Variants in CTNND2 observed in about 807,000 individuals in gnomAD.
The protein encoded by CTNND2 is catenin delta-2.
In CTNND2, 22 loss-of-function variants were observed where a neutral mutation model predicts 144.4. The ratio of observed to expected loss-of-function variants is 0.15; its 90% CI spans 0.11 to 0.22. The LOEUF is 0.22. CTNND2 is among the 10% of genes least tolerant of loss of function. The pLI is 1.00. For synonymous variants in CTNND2, 751 were observed against 695.6 expected (o/e 1.08, Z -1.25); for missense variants, 1,353 against 1,618.8 (o/e 0.84, Z 2.82).
chr5:10,984,410 G>C (rs1220464109), intron 20 of CTNND2, among the ~76,000 whole-genome samples: 3 of 152,192 alleles, frequency 2.0e-5, no homozygotes. Context: ...CTGTTGCTCA[G>C]AATTAAATGC....
At chr5:11,260,506 G>A (rs1351050540) in intron 9 of CTNND2, among the ~76,000 whole-genome samples, 1 of 152,064 alleles carries the variant, frequency 6.6e-6, no homozygotes, top group Non-Finnish European at 1.5e-5. Flanking sequence ...GTAAAAAGAG[G>A]ACAATCAATG....
chr5:11,539,584 G>A (rs1021807950), intron 3 of CTNND2, among the ~76,000 whole-genome samples: 4 of 152,188 alleles, frequency 2.6e-5, no homozygotes, highest in African/African-American at 9.7e-5. Context: ...TCAGTTGCAA[G>A]GATTCTCTTG....
intron 16 of CTNND2, among the ~76,000 whole-genome samples, chr5:11,053,871 C>T (rs1333327779): frequency 2.6e-5 from 4 of 152,164 alleles, no homozygotes; most frequent in African/African-American, 9.7e-5. Flanking sequence ...CATTATTTAC[C>T]AGTGGGCTTC....
chr5:11,677,007 T>C (rs1784207521), intron 2 of CTNND2, among the ~76,000 whole-genome samples: 1 of 152,234 alleles, frequency 6.6e-6, no homozygotes, highest in Non-Finnish European at 1.5e-5. Flanking sequence ...TAAACCAATC[T>C]TTCCTTTCTG....
intron 2 of CTNND2, among the ~76,000 whole-genome samples, chr5:11,695,066 C>T (rs1007037966): frequency 5.9e-5 from 9 of 152,160 alleles, no homozygotes; most frequent in African/African-American, 1.9e-4. Flanking sequence ...TGGAAATATG[C>T]TAGATGAGGT....
intron 2 of CTNND2, among the ~76,000 whole-genome samples, chr5:11,701,777 A>T (rs2126672323): frequency 6.6e-6 from 1 of 152,366 alleles, no homozygotes; most frequent in South Asian, 2.1e-4. Context: ...ATTTATTTGT[A>T]TAATTTTTAT....
intron 3 of CTNND2, among the ~76,000 whole-genome samples, chr5:11,485,166 T>A (rs568086335): frequency 6.6e-6 from 1 of 152,316 alleles, no homozygotes; most frequent in South Asian, 2.1e-4. Context: ...ATAATATGCC[T>A]AGCATAGACA....
intron 12 of CTNND2, among the ~76,000 whole-genome samples, chr5:11,118,476 G>C (rs1753773748): frequency 6.6e-6 from 1 of 152,218 alleles, no homozygotes; most frequent in South Asian, 2.1e-4. Context: ...CAAACTTTGG[G>C]AGCATCGGAA....
chr5:11,080,243 T>C (rs1385691905), intron 16 of CTNND2, among the ~76,000 whole-genome samples: 1 of 151,762 alleles, frequency 6.6e-6, no homozygotes, highest in Non-Finnish European at 1.5e-5. Flanking sequence ...CACTAAGCAA[T>C]GCAAATTCAA....
At chr5:11,456,237 T>C (rs1765721838) in intron 3 of CTNND2, among the ~76,000 whole-genome samples, 1 of 152,150 alleles carries the variant, frequency 6.6e-6, no homozygotes, top group Admixed American at 6.5e-5. Context: ...AAGGGTTGTG[T>C]TTGGTTTTCC....
chr5:11,130,072 C>T (rs1755417845), intron 12 of CTNND2, among the ~76,000 whole-genome samples: 1 of 152,076 alleles, frequency 6.6e-6, no homozygotes, highest in Non-Finnish European at 1.5e-5. Flanking sequence ...AATTACTATG[C>T]ACCTTACTGT....
At chr5:11,708,304 A>G (rs909169093) in intron 2 of CTNND2, among the ~76,000 whole-genome samples, 2 of 152,210 alleles carry the variant, frequency 1.3e-5, no homozygotes, top group Non-Finnish European at 2.9e-5. Flanking sequence ...AATTTTTACT[A>G]TAATATATAA....
At chr5:11,439,757 T>TATCTATCTATCTATCTATCTATC (rs1764091237) in intron 3 of CTNND2, among the ~76,000 whole-genome samples, 1 of 120,966 alleles carries the variant, frequency 8.3e-6, no homozygotes, top group African/African-American at 2.7e-5. Context: ...TCTATCTATC[T>TATCTATCTATCTATCTATCTATC]ATCTATCTAT....
Position 11,732,154 on chromosome 5 carries a change from G to A in CTNND2, c.156C>T (p.Leu52=), listed in dbSNP as rs201949668. The A allele has an allele frequency of 2.2e-5, 36 of 1,613,596 alleles. No homozygotes were observed. Among genetic ancestry groups the A allele is most frequent in the African/African-American group, 1.7e-4 (13 of 75,026 alleles). The change falls in exon 2 of 22, where the codon CTC becomes CTT. Residue 52 remains leucine, a synonymous_variant. Coordinates refer to ENST00000304623, the MANE Select transcript of CTNND2 (RefSeq NM_001332.4). ...TTTCTACCTGTTCTTTGACTGAGGC[G>A]AGGATGGCAGAGGTGGTTTCTGTTT... ...GSETETTSAI[L]ASVKEQELQF...
At chr5:11,290,473 A>G (rs575143804) in intron 9 of CTNND2, among the ~76,000 whole-genome samples, 4 of 152,278 alleles carry the variant, frequency 2.6e-5, no homozygotes, top group African/African-American at 7.2e-5. Flanking sequence ...TACCTCTACC[A>G]TGACTTTTCC....
intron 3 of CTNND2, among the ~76,000 whole-genome samples, chr5:11,531,668 C>T (rs1773758830): frequency 2.0e-5 from 3 of 151,938 alleles, no homozygotes; most frequent in Non-Finnish European, 2.9e-5. Context: ...ACTGCCATGG[C>T]GGATTGTTAT....
At chr5:11,634,067 C>T (rs182237216) in intron 2 of CTNND2, among the ~76,000 whole-genome samples, 1 of 152,312 alleles carries the variant, frequency 6.6e-6, no homozygotes, top group African/African-American at 2.4e-5. Flanking sequence ...GTTGGCACTG[C>T]CCATTTATCC....
intron 2 of CTNND2, among the ~76,000 whole-genome samples, chr5:11,639,898 C>A (rs1781905637): frequency 6.6e-6 from 1 of 152,120 alleles, no homozygotes. Flanking sequence ...AAACTCAAGG[C>A]CTGTCTTAAC....
At chr5:11,020,174 G>C (rs1249304093) in intron 17 of CTNND2, among the ~76,000 whole-genome samples, 2 of 152,060 alleles carry the variant, frequency 1.3e-5, no homozygotes, top group East Asian at 3.9e-4. Context: ...AGTTCTGATA[G>C]ACTGTGATTG....
Sources: gnomAD v4.1 joint callset for allele counts (sites outside exome capture counted in the v4.1 genomes callset) on GRCh38, gnomAD v4.1.1 for gene constraint, MANE v1.5 for transcripts, NCBI Gene and HGNC (gene_info 2026-07-23, HGNC 2026-07-21) for gene names.